AFAP1L1: variants seen among roughly 807,000 people sequenced by gnomAD.
The protein encoded by AFAP1L1 is actin filament-associated protein 1-like 1.
Under a neutral mutation model 99.8 loss-of-function variants are expected in AFAP1L1, and 77 were observed. The ratio of observed to expected loss-of-function variants is 0.77; its 90% confidence interval spans 0.64 to 0.93. The LOEUF is 0.93. AFAP1L1 is among the 40% of genes least tolerant of loss of function. AFAP1L1 has a pLI of 0.00. For synonymous variants in AFAP1L1, 373 were observed against 395.3 expected (o/e 0.94, Z 0.67); for missense variants, 893 against 996.8 (o/e 0.90, Z 1.40).
At chr5:149,336,641 C>T (rs1581348361) in intron 18 of AFAP1L1, among the ~76,000 whole-genome samples, 1 of 152,316 alleles carries the variant, frequency 6.6e-6, no homozygotes, top group African/African-American at 2.4e-5. Context: ...GGGGGCTGAA[C>T]ATGTTAGCTC....
At chr5:149,291,814 A>T (rs182061131) in intron 1 of AFAP1L1, among the ~76,000 whole-genome samples, 1 of 152,336 alleles carries the variant, frequency 6.6e-6, no homozygotes, top group Admixed American at 6.5e-5. Flanking sequence ...CCTTTATGAG[A>T]TGGAAATTGG....
chr5:149,275,270 G>A (rs1371434509), intron 1 of AFAP1L1, among the ~76,000 whole-genome samples: 1 of 152,134 alleles, frequency 6.6e-6, no homozygotes, highest in Non-Finnish European at 1.5e-5. Flanking sequence ...CAGACTGGGT[G>A]GCTGCAACAA....
In AFAP1L1 at chr5:149,320,469, G is replaced by C; in HGVS notation, c.1698+6G>C. ...TTCCTTATGAAAAGATGCAGGTACA[G>C]TCCCTTGGGGCTGCCCAGGAATGTG... On this transcript the variant is annotated splice_donor_region_variant and intron_variant, in intron 14 of 18. Transcript: ENST00000296721. The surrounding 1 kb of genome is among the most constrained non-coding windows in gnomAD (Gnocchi z 4.0). 1 of 1,614,062 alleles carries C rather than the reference G, an allele frequency of 6.2e-7. No homozygotes were observed. Among genetic ancestry groups the C allele is most frequent in the Non-Finnish European group, 8.5e-7 (1 of 1,179,924 alleles).
At chr5:149,329,028 A>G (rs1165084479) in intron 15 of AFAP1L1, among the ~76,000 whole-genome samples, 2 of 152,166 alleles carry the variant, frequency 1.3e-5, no homozygotes, top group African/African-American at 4.8e-5. Context: ...GCCTGACTGT[A>G]GTCCAAAGTC....
rs1199393321 is a variant in AFAP1L1 at position 149,335,658 on chromosome 5, A to G, written c.2219A>G (p.Glu740Gly). ...CCTCTCCCTGTCAACTGTGTTTCTG[A>G]GCTGAGGAAGAGGAGCCCATCCATC... ...EQPLPVNCVS[E>G]LRKRSPSIVA... The change falls in exon 18 of 19, where the codon GAG (glutamate) becomes GGG (glycine). Residue 740 changes from glutamate to glycine, a missense_variant. Transcript: ENST00000296721. 1 of 1,613,512 alleles carries G rather than the reference A, an allele frequency of 6.2e-7. No individual in the cohort carries two copies. Among genetic ancestry groups the G allele is most frequent in the Non-Finnish European group, 8.5e-7 (1 of 1,180,034 alleles).
chr5:149,342,009 T>C lies in AFAP1L1; in HGVS notation c.*1979T>C, dbSNP rs1410442612. Among the ~76,000 whole-genome samples the C allele has an allele frequency of 6.6e-6, 1 of 152,156 alleles. No homozygotes were observed. The highest frequency in any genetic ancestry group is 2.4e-5 in the African/African-American group (1 of 41,428). Reference sequence around the variant, plus strand: ...CTCTCAGAGGAGTGGCTGGGGGTAATTAATAATTAACATTTATCAAGCACT... The same window carrying C: ...CTCTCAGAGGAGTGGCTGGGGGTAACTAATAATTAACATTTATCAAGCACT... On this transcript the variant is annotated 3_prime_UTR_variant, in exon 19 of 19. Transcript: ENST00000296721.
intron 15 of AFAP1L1, among the ~76,000 whole-genome samples, chr5:149,325,897 T>A (rs776148456): frequency 5.3e-5 from 8 of 152,208 alleles, no homozygotes; most frequent in Non-Finnish European, 8.8e-5. Flanking sequence ...AAAGCCCTCA[T>A]GGCCTAAATC....
At chr5:149,274,764 AG>A (rs1428115334) in intron 1 of AFAP1L1, among the ~76,000 whole-genome samples, 3 of 152,016 alleles carry the variant, frequency 2.0e-5, no homozygotes, top group Non-Finnish European at 2.9e-5. Flanking sequence ...CTGTAATCCC[AG>A]CTACTCGAGA....
At position 149,320,592 on chromosome 5, in the gene AFAP1L1, C is replaced by T; in HGVS notation, c.1698+129C>T. The T allele has an allele frequency of 2.4e-6, 2 of 822,982 alleles. No individual in the cohort carries two copies. Among genetic ancestry groups the T allele is most frequent in the South Asian group, 3.3e-5 (2 of 60,600 alleles). 51.0% of individuals were successfully genotyped at this position (822,982 alleles called of 1,614,324 possible). A position where few individuals can be genotyped will look rare whatever the true frequency, so the allele number is the denominator to read the frequency against. ...AAGCAGCAGTAGCTAGAAGGGGAGC[C>T]CCTTCTTATCATAGAGCATGGCTCA... On this transcript the variant is annotated intron_variant, in intron 14 of 18. Transcript: ENST00000296721. The surrounding 1 kb of genome is among the most constrained non-coding windows in gnomAD (Gnocchi z 4.0).
At chr5:149,305,384 T>TTA (rs1294613415) in intron 5 of AFAP1L1, among the ~76,000 whole-genome samples, 2 of 152,240 alleles carry the variant, frequency 1.3e-5, no homozygotes, top group Non-Finnish European at 2.9e-5. Flanking sequence ...AAATAACCTT[T>TTA]TAAAAACATC....
chr5:149,314,732 C>T (rs570666603), intron 9 of AFAP1L1, among the ~76,000 whole-genome samples: 10 of 152,264 alleles, frequency 6.6e-5, no homozygotes, highest in African/African-American at 2.2e-4. Context: ...CTGTCCTCTC[C>T]GTCCCCCGGT....
intron 1 of AFAP1L1, among the ~76,000 whole-genome samples, chr5:149,275,845 G>C (rs929336609): frequency 6.6e-6 from 1 of 152,142 alleles, no homozygotes; most frequent in Non-Finnish European, 1.5e-5. Context: ...TATTGGATTA[G>C]AGCTCCACCC....
At chr5:149,328,630 G>A (rs897310190) in intron 15 of AFAP1L1, among the ~76,000 whole-genome samples, 4 of 152,046 alleles carry the variant, frequency 2.6e-5, no homozygotes, top group African/African-American at 9.7e-5. Flanking sequence ...CCAACATGGC[G>A]AAACCCCATC....
intron 1 of AFAP1L1, among the ~76,000 whole-genome samples, chr5:149,289,027 C>G (rs988788761): frequency 1.3e-5 from 2 of 152,230 alleles, no homozygotes; most frequent in Admixed American, 6.5e-5. Context: ...TAACAATAAT[C>G]CCTACGATTT....
Position 149,312,317 on chromosome 5 carries a change from A to T in AFAP1L1, c.1020+113A>T, listed in dbSNP as rs564895592. 50 of 993,580 alleles carry T rather than the reference A, an allele frequency of 5.0e-5. No individual in the cohort carries two copies. In the African/African-American group the frequency reaches 7.5e-4, roughly 15 times the overall value. The allele number at this position is 993,580 out of a possible 1,614,324, so 61.5% of individuals were successfully genotyped here. On this transcript the variant is annotated intron_variant, in intron 9 of 18. Transcript: ENST00000296721. Reference sequence around the variant, plus strand: ...GAAAGTCAGGCAACTGCCAAACTGTAGGTGCCCAGCACAGAGCTGGCACAA... The same window carrying T: ...GAAAGTCAGGCAACTGCCAAACTGTTGGTGCCCAGCACAGAGCTGGCACAA...
At chr5:149,296,304 G>T (rs1443036584) in intron 1 of AFAP1L1, among the ~76,000 whole-genome samples, 1 of 152,204 alleles carries the variant, frequency 6.6e-6, no homozygotes, top group African/African-American at 2.4e-5. Context: ...AAAATGTTGA[G>T]ATTACAGGCG....
At chr5:149,317,003 A>G (rs1206955129) in intron 11 of AFAP1L1, among the ~76,000 whole-genome samples, 1 of 152,030 alleles carries the variant, frequency 6.6e-6, no homozygotes. Context: ...TGTCTCTACC[A>G]AAAATACAAA....
intron 17 of AFAP1L1, among the ~76,000 whole-genome samples, chr5:149,333,351 T>A (rs1409835815): frequency 1.3e-5 from 2 of 152,136 alleles, no homozygotes; most frequent in Non-Finnish European, 2.9e-5. Flanking sequence ...GGAGACGGGA[T>A]TCCAAACCCA....
chr5:149,302,385 G>A (rs201428217), intron 4 of AFAP1L1, 33 bp from the exon 5 acceptor site: 58 of 1,518,948 alleles, frequency 3.8e-5, no homozygotes, highest in East Asian at 1.9e-4. Context: ...ACCCTGCTCC[G>A]CTCCCCTAGC....
Sources: allele counts gnomAD v4.1 joint callset (sites outside exome capture counted in the v4.1 genomes callset), GRCh38; gene constraint gnomAD v4.1.1; non-coding constraint Gnocchi (gnomAD v3.1); transcripts MANE v1.5; gene names NCBI Gene and HGNC (gene_info 2026-07-23, HGNC 2026-07-21).